Variants in SDK1 observed in about 807,000 individuals in gnomAD.
SDK1 encodes the protein protein sidekick-1.
Under a neutral mutation model 245.5 loss-of-function variants are expected in SDK1, and 157 were observed. That is an observed-to-expected ratio of 0.64 (90% confidence interval 0.56 to 0.73). SDK1 has a LOEUF of 0.73. SDK1 is among the 30% of genes least tolerant of loss of function. The probability of loss-of-function intolerance (pLI) is 0.00; values close to 1 mark genes in which losing one functional copy is unlikely to be tolerated. For missense variants in SDK1, 3,583 were observed against 3,002.3 expected, an observed-to-expected ratio of 1.19 and a Z score of -4.52; for synonymous variants, 1,647 against 1,278.5, an observed-to-expected ratio of 1.29 and a Z score of -6.15.
chr7:4,177,116 A>G (rs1409185135), intron 34 of SDK1, among the ~76,000 whole-genome samples: 1 of 152,214 alleles, frequency 6.6e-6, no homozygotes, highest in Non-Finnish European at 1.5e-5. Context: ...GCACAGCTCC[A>G]ACATGTTGAG....
intron 35 of SDK1, among the ~76,000 whole-genome samples, chr7:4,181,030 T>G (rs1486160020): frequency 6.6e-6 from 1 of 152,170 alleles, no homozygotes; most frequent in Non-Finnish European, 1.5e-5. Flanking sequence ...TGAGCAGCCA[T>G]CACCAACATC....
intron 1 of SDK1, among the ~76,000 whole-genome samples, chr7:3,536,534 C>G (rs1050880215): frequency 6.6e-6 from 1 of 151,750 alleles, no homozygotes; most frequent in Non-Finnish European, 1.5e-5. Flanking sequence ...AACAAAAAAA[C>G]CCCACAAAAA....
chr7:3,464,513 C>T (rs748487968), intron 1 of SDK1, among the ~76,000 whole-genome samples: 9 of 152,072 alleles, frequency 5.9e-5, no homozygotes, highest in Admixed American at 1.3e-4. Flanking sequence ...AGAGTGAGAC[C>T]CTGTCTCTAA....
intron 44 of SDK1, among the ~76,000 whole-genome samples, chr7:4,248,355 C>T (rs796339506): frequency 1.5e-4 from 23 of 151,020 alleles, no homozygotes; most frequent in Non-Finnish European, 8.9e-5. Context: ...TGCACACACA[C>T]GTTTACCTAA....
chr7:3,677,766 C>G (rs1171240036), intron 4 of SDK1, among the ~76,000 whole-genome samples: 1 of 152,114 alleles, frequency 6.6e-6, no homozygotes, highest in Non-Finnish European at 1.5e-5. Context: ...CTGTGGTAAA[C>G]AAGACAGTGT....
chr7:3,743,760 T>C (rs529399290), intron 4 of SDK1, among the ~76,000 whole-genome samples: 4 of 152,196 alleles, frequency 2.6e-5, no homozygotes, highest in Admixed American at 6.5e-5. Context: ...AAAAATGATA[T>C]AAAGAGTTGA....
chr7:4,124,622 A>G (rs573062718), intron 25 of SDK1, among the ~76,000 whole-genome samples: 1 of 152,362 alleles, frequency 6.6e-6, no homozygotes, highest in South Asian at 2.1e-4. Flanking sequence ...TTAGGATAAC[A>G]AAATAAGGAT....
At chr7:3,375,011 A>G (rs1245708720) in intron 1 of SDK1, among the ~76,000 whole-genome samples, 1 of 152,196 alleles carries the variant, frequency 6.6e-6, no homozygotes, top group Non-Finnish European at 1.5e-5. Context: ...CATTCGTTAA[A>G]TATTTTTTAG....
intron 14 of SDK1, among the ~76,000 whole-genome samples, chr7:3,998,295 T>C (rs1480808511): frequency 2.0e-5 from 3 of 152,228 alleles, no homozygotes; most frequent in Non-Finnish European, 4.4e-5. Flanking sequence ...CTGCAACAGC[T>C]GGCATGATGG....
At chr7:4,263,272 C>G in intron 44 of SDK1, among the ~76,000 whole-genome samples, 1 of 147,110 alleles carries the variant, frequency 6.8e-6, no homozygotes, top group African/African-American at 2.5e-5. Context: ...CTCAGGCAAG[C>G]CAAAGACCCA....
intron 1 of SDK1, among the ~76,000 whole-genome samples, chr7:3,319,674 G>T (rs1434736529): frequency 3.3e-5 from 5 of 152,082 alleles, no homozygotes; most frequent in African/African-American, 1.2e-4. Context: ...AGGGTGTCTA[G>T]TGATGGCCTG....
chr7:3,794,909 A>C (rs1778924592), intron 4 of SDK1, among the ~76,000 whole-genome samples: 1 of 151,488 alleles, frequency 6.6e-6, no homozygotes, highest in South Asian at 2.1e-4. Flanking sequence ...TTGGCCTTTA[A>C]GAAAATATTA....
chr7:3,400,676 A>G (rs1378003842), intron 1 of SDK1, among the ~76,000 whole-genome samples: 1 of 152,156 alleles, frequency 6.6e-6, no homozygotes. Flanking sequence ...TTACCTAGAA[A>G]TATATGTGTC....
At chr7:3,957,907 C>A (rs948500044) in intron 7 of SDK1, 1 of 462,550 alleles carries the variant, frequency 2.2e-6, no homozygotes, top group South Asian at 1.6e-5. Context: ...CAGGCAGATT[C>A]TTTCTGCTTG....
In SDK1 at chr7:3,771,666, T is replaced by C. The variant is rs966142673; in HGVS notation, c.714-49784T>C. ...CAGAAATTGTTATTTTTTTCCAGAT[T>C]ATTTCTTGACATGTTTCTGCATTTT... On this transcript the variant is annotated intron_variant, in intron 4 of 44. Transcript: ENST00000404826. 6.6e-5 allele frequency among the ~76,000 whole-genome samples: 10 copies of C among 152,204 alleles called. No homozygotes were observed. The East Asian group carries it at 1.3e-3, about 21-fold the overall frequency.
chr7:4,075,853 A>T (rs1268441967), intron 20 of SDK1, among the ~76,000 whole-genome samples: 1 of 151,912 alleles, frequency 6.6e-6, no homozygotes, highest in Non-Finnish European at 1.5e-5. Flanking sequence ...GGGGTTTCAC[A>T]TGTTGGCCAG....
intron 1 of SDK1, among the ~76,000 whole-genome samples, chr7:3,519,632 A>G (rs1782868373): frequency 6.6e-6 from 1 of 152,138 alleles, no homozygotes. Flanking sequence ...GAGGCAGAGA[A>G]GATTAAGTGA....
intron 1 of SDK1, among the ~76,000 whole-genome samples, chr7:3,408,272 G>T (rs1307274083): frequency 7.2e-5 from 11 of 151,944 alleles, no homozygotes. Context: ...TTGAACTCCT[G>T]ACCTCAAGTG....
intron 5 of SDK1, among the ~76,000 whole-genome samples, chr7:3,876,586 A>T (rs980116758): frequency 1.3e-5 from 2 of 152,258 alleles, no homozygotes; most frequent in Non-Finnish European, 2.9e-5. Context: ...GAGAACTCAT[A>T]ACATCTTAAG....
Sources: gnomAD v4.1 joint callset for allele counts (sites outside exome capture counted in the v4.1 genomes callset) on GRCh38, gnomAD v4.1.1 for gene constraint, MANE v1.5 for transcripts, NCBI Gene and HGNC (gene_info 2026-07-23, HGNC 2026-07-21) for gene names.